ADAMTS10: variants seen among roughly 807,000 people sequenced by gnomAD.
ADAMTS10 encodes A disintegrin and metalloproteinase with thrombospondin motifs 10.
In ADAMTS10, 48 loss-of-function variants were observed where a neutral mutation model predicts 135.9. The observed-to-expected ratio is 0.35, with a 90% CI of 0.28 to 0.45. The LOEUF (loss-of-function observed/expected upper bound fraction) is 0.45. Ranked by LOEUF, ADAMTS10 falls within the 20% of genes least tolerant of loss-of-function variation. The pLI, the probability that ADAMTS10 is intolerant of heterozygous loss-of-function variation, is 1.00. For synonymous variants in ADAMTS10, 621 were observed against 647.5 expected (o/e 0.96, Z 0.62); for missense variants, 1,131 against 1,565.2 (o/e 0.72, Z 4.68).
intron 5 of ADAMTS10, among the ~76,000 whole-genome samples, chr19:8,603,234 C>T (rs1050028016): frequency 1.3e-5 from 2 of 152,104 alleles, no homozygotes; most frequent in African/African-American, 2.4e-5. Context: ...TCCACTGGTT[C>T]GCCGTCTGAG....
At chr19:8,600,099 C>T (rs1162880163) in intron 6 of ADAMTS10, among the ~76,000 whole-genome samples, 1 of 152,148 alleles carries the variant, frequency 6.6e-6, no homozygotes, top group Non-Finnish European at 1.5e-5. Flanking sequence ...GGGCATGAGC[C>T]ACTGTGCCCA....
chr19:8,586,396 G>T lies in ADAMTS10; in HGVS notation c.2478C>A (p.Pro826=), dbSNP rs782265662. 6.2e-7 allele frequency: 1 copy of T among 1,613,924 alleles called. No homozygotes were observed. Among genetic ancestry groups the T allele is most frequent in the South Asian group, 1.1e-5 (1 of 91,074 alleles). Residue 826 remains proline, a synonymous_variant, in exon 21 of 26, where the codon CCC becomes CCA. Coordinates refer to ENST00000597188, the MANE Select transcript of ADAMTS10 (RefSeq NM_030957.4). The part of the protein sequence containing the change: ...NAPIARDSLP[P]YSWHYAPWTK... ...TCCAGGGCGCATAGTGCCAGGAGTA[G>T]GGGGGCAGCGAGTCACGGGCGATGG...
rs781861707 is a variant in ADAMTS10 at position 8,586,916 on chromosome 19, T to C, written c.2159-20A>G. 6.2e-7 allele frequency: 1 copy of C among 1,614,058 alleles called. No homozygotes were observed. The highest frequency in any genetic ancestry group is 8.5e-7 in the Non-Finnish European group (1 of 1,179,912). ...CGTACCCTGAACAGCAGAGCTCAGA[T>C]GTCACCCACTTGGCATGTCCCCAAC... On this transcript the variant is annotated intron_variant, in intron 18 of 25. Transcript: ENST00000597188.
In ADAMTS10 at chr19:8,585,266, G is replaced by A. The variant is rs554577943; in HGVS notation, c.2908C>T (p.Leu970Phe). 8 of 1,503,278 alleles carry A rather than the reference G, an allele frequency of 5.3e-6. No individual in the cohort carries two copies. In the East Asian group the frequency reaches 7.4e-5, roughly 14 times the overall value. The allele number at this position is 1,503,278 out of a possible 1,614,324, so 93.1% of individuals were successfully genotyped here. A position where few individuals can be genotyped will look rare whatever the true frequency, so the allele number is the denominator to read the frequency against. Residue 970 changes from leucine to phenylalanine, a missense_variant, in exon 24 of 26, where the codon CTT (leucine) becomes TTT (phenylalanine). By Grantham distance (22) the Leu-to-Phe change is conservative. Around this residue, in one of 3 missense-constraint regions of ADAMTS10, gnomAD observed 745 missense variants for 1,056.3 expected, o/e 0.71. Coordinates refer to ENST00000597188, the MANE Select transcript of ADAMTS10 (RefSeq NM_030957.4). Reference protein sequence around the residue: ...CGPGLRHRVVLCKSADHRATL... With the variant: ...CGPGLRHRVVFCKSADHRATL... ...GCGCGGTGGTCTGCGCTCTTGCAAA[G>A]GACCACGCGGTGGCGGAGGCCCGGC... is the stretch of plus-strand genomic sequence containing the variant.
At chr19:8,592,949 G>A (rs1034305754) in intron 12 of ADAMTS10, 79 bp from the exon 13 acceptor site, 19 of 1,342,724 alleles carry the variant, frequency 1.4e-5, no homozygotes, top group Middle Eastern at 3.6e-4. Flanking sequence ...GGAGGACCCA[G>A]ATGTCCGGCT....
chr19:8,609,457 C>A (rs2146112866), intron 1 of ADAMTS10, among the ~76,000 whole-genome samples: 1 of 152,208 alleles, frequency 6.6e-6, no homozygotes, highest in South Asian at 2.1e-4. Flanking sequence ...ACCTCTCCGG[C>A]CAGGCTGCGG....
intron 13 of ADAMTS10, among the ~76,000 whole-genome samples, chr19:8,592,512 G>T (rs1307437735): frequency 6.6e-6 from 1 of 151,812 alleles, no homozygotes; most frequent in East Asian, 1.9e-4. Context: ...ATTACACGGT[G>T]GGCGTGGCCA....
intron 17 of ADAMTS10, 33 bp from the exon 18 acceptor site, chr19:8,589,398 CT>C (rs1555738229): frequency 2.5e-6 from 4 of 1,607,246 alleles, no homozygotes; most frequent in Non-Finnish European, 3.4e-6. Context: ...AGGCGACCCC[CT>C]AACCCACCCC....
rs781944666 is a variant in ADAMTS10, at chr19:8,592,122, G to A, written c.1588-19C>T. 1 of 1,613,478 alleles carries A rather than the reference G, an allele frequency of 6.2e-7. No individual in the cohort carries two copies. The highest frequency in any genetic ancestry group is 1.1e-5 in the South Asian group (1 of 91,074). On this transcript the variant is annotated intron_variant, in intron 13 of 25. Transcript: ENST00000597188. Reference sequence around the variant, plus strand: ...AGCACCACTGGGTGGGGGGAGACAGGAAGGAGTGAGTCCAGCCCGGAGGAC... The same window carrying A: ...AGCACCACTGGGTGGGGGGAGACAGAAAGGAGTGAGTCCAGCCCGGAGGAC...
intron 2 of ADAMTS10, among the ~76,000 whole-genome samples, chr19:8,606,194 G>C (rs2146105154): frequency 6.6e-6 from 1 of 152,318 alleles, no homozygotes; most frequent in East Asian, 1.9e-4. Flanking sequence ...CCAAGTAGCT[G>C]AGATTGCAGG....
At chr19:8,587,808 G>T (rs1296262289) in intron 18 of ADAMTS10, among the ~76,000 whole-genome samples, 2 of 151,380 alleles carry the variant, frequency 1.3e-5, no homozygotes, top group African/African-American at 4.9e-5. Flanking sequence ...GCGGGCTCCT[G>T]TAGTCCCAGC....
At position 8,596,918 on chromosome 19, in the gene ADAMTS10, T is replaced by C; in HGVS notation, c.1040+69A>G. On this transcript the variant is annotated intron_variant, in intron 8 of 25. Transcript: ENST00000597188. The surrounding 1 kb of genome is among the most constrained non-coding windows in gnomAD (Gnocchi z 7.2). ...GACCCTAGCAGAAGTGATCTCTGTTTGGACTCTCATGGTTCCCTGGACCAT... is the reference window on the plus strand; with the variant it reads ...GACCCTAGCAGAAGTGATCTCTGTTCGGACTCTCATGGTTCCCTGGACCAT... The C allele has an allele frequency of 6.3e-7, 1 of 1,599,798 alleles. No homozygotes were observed. The highest frequency in any genetic ancestry group is 8.5e-7 in the Non-Finnish European group (1 of 1,177,460).
chr19:8,595,576 T>C, intron 12 of ADAMTS10, 186 bp downstream of exon 12: 1 of 883,522 alleles, frequency 1.1e-6, no homozygotes, highest in Admixed American at 2.1e-5. Flanking sequence ...ACTGTCTGAT[T>C]GCTTAGGACA....
rs782171566 is a variant in ADAMTS10, at chr19:8,595,845, T to C, written c.1396A>G (p.Thr466Ala). 1.2e-6 allele frequency: 2 copies of C among 1,614,170 alleles called. No homozygotes were observed. Among genetic ancestry groups the C allele is most frequent in the Non-Finnish European group, 1.7e-6 (2 of 1,180,024 alleles). Residue 466 changes from threonine (T) to alanine (A), a missense_variant, in exon 12 of 26, where the codon ACA becomes GCA. Around this residue, in one of 3 missense-constraint regions of ADAMTS10, gnomAD observed 745 missense variants for 1,056.3 expected, o/e 0.71. Coordinates refer to ENST00000597188, the MANE Select transcript of ADAMTS10 (RefSeq NM_030957.4). ...TCGTAGGCTTGGCCCGGTGCCACTG[T>C]CGGGTACACAAAGTCCTGTCTGGGG... is the stretch of plus-strand genomic sequence containing the variant. ...RPPRQDFVYP[T>A]VAPGQAYDAD...
intron 25 of ADAMTS10, among the ~76,000 whole-genome samples, chr19:8,584,065 G>C (rs199987019): frequency 6.7e-6 from 1 of 148,416 alleles, no homozygotes; most frequent in African/African-American, 2.5e-5. Context: ...GCTGAGGCAG[G>C]AGAATCGATT....
At chr19:8,586,783 CT>C in intron 19 of ADAMTS10, 32 bp downstream of exon 19, 1 of 1,614,064 alleles carries the variant, frequency 6.2e-7, no homozygotes, top group Non-Finnish European at 8.5e-7. Context: ...CCACTGACCC[CT>C]AATCCTCATC....
At chr19:8,609,046 G>C (rs1444975616) in intron 1 of ADAMTS10, among the ~76,000 whole-genome samples, 1 of 151,800 alleles carries the variant, frequency 6.6e-6, no homozygotes, top group East Asian at 1.9e-4. Context: ...TGGGGCCAAA[G>C]ATGAAGCTTG....
Position 8,585,310 on chromosome 19 carries a change from T to C in ADAMTS10, c.2866-2A>G. 1 of 1,531,986 alleles carries C rather than the reference T, an allele frequency of 6.5e-7. No individual in the cohort carries two copies. Among genetic ancestry groups the C allele is most frequent in the Non-Finnish European group, 8.8e-7 (1 of 1,141,932 alleles). The allele number at this position is 1,531,986 out of a possible 1,614,324, so 94.9% of individuals were successfully genotyped here. A position where few individuals can be genotyped will look rare whatever the true frequency, so the allele number is the denominator to read the frequency against. ...GCCCGGCCCGCAGCTGGGGGTGCACTGCAGTTGGAAGGGGCGTTTCGTGCT... is the reference window on the plus strand; with the variant it reads ...GCCCGGCCCGCAGCTGGGGGTGCACCGCAGTTGGAAGGGGCGTTTCGTGCT... On this transcript the variant is annotated splice_acceptor_variant, in intron 23 of 25. Transcript: ENST00000597188. LOFTEE classifies it high-confidence loss of function.
intron 5 of ADAMTS10, among the ~76,000 whole-genome samples, chr19:8,602,422 G>A (rs1308417792): frequency 6.6e-6 from 1 of 152,112 alleles, no homozygotes; most frequent in Admixed American, 6.6e-5. Flanking sequence ...GGGTTCAGGC[G>A]ATTCTCCTGC....
Sources: allele counts gnomAD v4.1 joint callset (sites outside exome capture counted in the v4.1 genomes callset), GRCh38; gene constraint gnomAD v4.1.1; regional missense constraint gnomAD v4.1.1; non-coding constraint Gnocchi (gnomAD v3.1); transcripts MANE v1.5; gene names NCBI Gene and HGNC (gene_info 2026-07-23, HGNC 2026-07-21).